Variants in FAM193A observed in about 807,000 individuals in gnomAD.
The protein encoded by FAM193A is protein FAM193A.
A neutral mutation model predicts 126.5 loss-of-function variants in FAM193A; 22 were observed. That is an observed-to-expected ratio of 0.17 (90% confidence interval 0.12 to 0.25). The LOEUF is 0.25. FAM193A is among the 10% of genes least tolerant of loss of function. The pLI is 1.00. For missense variants in FAM193A, 1,675 were observed against 1,672.8 expected (o/e 1.00, Z -0.02); for synonymous variants, 761 against 646.8 (o/e 1.18, Z -2.68).
At chr4:2,561,371 CAG>C (rs1578598966) in intron 1 of FAM193A, among the ~76,000 whole-genome samples, 1 of 151,822 alleles carries the variant, frequency 6.6e-6, no homozygotes, top group South Asian at 2.1e-4. Context: ...TTGGTAGAGA[CAG>C]AGTTTCACCA....
intron 19 of FAM193A, among the ~76,000 whole-genome samples, chr4:2,704,859 A>C (rs1000966923): frequency 6.6e-6 from 1 of 152,104 alleles, no homozygotes. Context: ...TTCTATTCAT[A>C]CCTATTTCTC....
chr4:2,693,080 G>C lies in FAM193A; in HGVS notation c.2804-506G>C, dbSNP rs572030339. ...TTTTTTTTCTTTGAGACGGAGTCTT[G>C]CTCCGTCACCCAGGCTGCTGGAGTG... On this transcript the variant is annotated intron_variant, in intron 15 of 20. Coordinates refer to ENST00000637812, the MANE Select transcript of FAM193A (RefSeq NM_001366318.2). Among the ~76,000 whole-genome samples the C allele has an allele frequency of 2.0e-5, 3 of 151,722 alleles. No individual in the cohort carries two copies. The South Asian group carries it at 6.2e-4, about 32-fold the overall frequency.
intron 19 of FAM193A, among the ~76,000 whole-genome samples, chr4:2,711,671 G>A (rs1404156119): frequency 6.6e-6 from 1 of 151,598 alleles, no homozygotes; most frequent in Non-Finnish European, 1.5e-5. Flanking sequence ...ATTCTGGGCT[G>A]GGCGCTATGG....
intron 19 of FAM193A, among the ~76,000 whole-genome samples, chr4:2,704,466 G>A (rs949102463): frequency 2.6e-5 from 4 of 152,090 alleles, no homozygotes; most frequent in South Asian, 2.1e-4. Context: ...TGGAGACACC[G>A]ATGCAGGAGG....
chr4:2,566,337 G>A (rs1030386949), intron 1 of FAM193A, among the ~76,000 whole-genome samples: 5 of 151,854 alleles, frequency 3.3e-5, no homozygotes, highest in Non-Finnish European at 7.4e-5. Flanking sequence ...GTGAGCCACC[G>A]CGCCTGGCCA....
chr4:2,640,832 G>T (rs538688125), intron 6 of FAM193A, among the ~76,000 whole-genome samples: 2 of 151,978 alleles, frequency 1.3e-5, no homozygotes, highest in African/African-American at 4.8e-5. Context: ...GGGCTTGGTG[G>T]CACATACCTG....
intron 5 of FAM193A, among the ~76,000 whole-genome samples, chr4:2,636,572 T>A (rs1744114058): frequency 6.6e-6 from 1 of 152,210 alleles, no homozygotes; most frequent in Non-Finnish European, 1.5e-5. Context: ...GTGTCATTCA[T>A]AGGTCATTTT....
At chr4:2,725,876 T>G (rs1720689339) in intron 20 of FAM193A, among the ~76,000 whole-genome samples, 1 of 151,240 alleles carries the variant, frequency 6.6e-6, no homozygotes, top group South Asian at 2.1e-4. Flanking sequence ...CAATCTCAGC[T>G]AATTTTTATT....
chr4:2,546,841 A>C (rs1292290141), intron 1 of FAM193A, among the ~76,000 whole-genome samples: 2 of 152,222 alleles, frequency 1.3e-5, no homozygotes, highest in African/African-American at 2.4e-5. Context: ...ACTGTTATCC[A>C]GAGTGGATAA....
At chr4:2,545,866 A>T (rs1191182150) in intron 1 of FAM193A, among the ~76,000 whole-genome samples, 3 of 152,028 alleles carry the variant, frequency 2.0e-5, no homozygotes, top group Non-Finnish European at 4.4e-5. Flanking sequence ...ACAAAAATTT[A>T]AGGCCAGGTG....
chr4:2,602,132 C>A (rs1047176966), intron 2 of FAM193A, among the ~76,000 whole-genome samples: 1 of 152,010 alleles, frequency 6.6e-6, no homozygotes, highest in African/African-American at 2.4e-5. Context: ...AGCCACTGCA[C>A]CCAGGCAATT....
intron 1 of FAM193A, among the ~76,000 whole-genome samples, chr4:2,580,352 A>T (rs1739849897): frequency 6.6e-6 from 1 of 152,158 alleles, no homozygotes; most frequent in Non-Finnish European, 1.5e-5. Context: ...GAGGAGGGAG[A>T]GGATCAGGAA....
chr4:2,659,551 C>G lies in FAM193A; in HGVS notation c.1390-7C>G. On this transcript the variant is annotated splice_region_variant and splice_polypyrimidine_tract_variant and intron_variant, in intron 8 of 20. Coordinates refer to ENST00000637812, the MANE Select transcript of FAM193A (RefSeq NM_001366318.2). ...GCAAGATTAAAGCATTTTAAAATTT[C>G]CTCTAGTTAACCAATAAGAAAGCAG... 2 of 1,597,750 alleles carry G rather than the reference C, an allele frequency of 1.3e-6. No individual in the cohort carries two copies. Among genetic ancestry groups the G allele is most frequent in the Non-Finnish European group, 1.7e-6 (2 of 1,165,216 alleles).
chr4:2,727,230 G>A (rs998443538), intron 20 of FAM193A, among the ~76,000 whole-genome samples: 2 of 151,952 alleles, frequency 1.3e-5, no homozygotes, highest in Non-Finnish European at 2.9e-5. Flanking sequence ...CTGCACTCCA[G>A]CCTGGCAACA....
chr4:2,647,354 C>T (rs185840725), intron 7 of FAM193A, among the ~76,000 whole-genome samples: 1 of 152,224 alleles, frequency 6.6e-6, no homozygotes, highest in Admixed American at 6.5e-5. Context: ...CCATGTTGGT[C>T]AGGCTGGTCT....
rs1221788952 is a variant in FAM193A, at chr4:2,732,372, T to C, written c.*504T>C. 4.7e-5 allele frequency: 8 copies of C among 170,682 alleles called. No individual in the cohort carries two copies. Among genetic ancestry groups the C allele is most frequent in the Admixed American group, 4.6e-4 (8 of 17,218 alleles). 10.6% of individuals were successfully genotyped at this position (170,682 alleles called of 1,614,324 possible). A position where few individuals can be genotyped will look rare whatever the true frequency, so the allele number is the denominator to read the frequency against. The stretch of plus-strand genomic sequence containing the variant: ...GCTGTTTGTGTTTGATCCCCCTGAC[T>C]TGTAGCCAGCTTGTGTAAGATCCCT... On this transcript the variant is annotated 3_prime_UTR_variant, in exon 21 of 21. Coordinates refer to ENST00000637812, the MANE Select transcript of FAM193A (RefSeq NM_001366318.2).
chr4:2,631,047 G>A lies in FAM193A; in HGVS notation c.916G>A (p.Val306Met). Residue 306 changes from valine to methionine, a missense_variant, in exon 5 of 21, where the codon GTG (valine) becomes ATG (methionine). Coordinates refer to ENST00000637812, the MANE Select transcript of FAM193A (RefSeq NM_001366318.2). ...LLRQLSAAAK[V>M]KAPSGLQGPP... ...CCGGCAGCTGTCGGCTGCGGCCAAG[G>A]TGAAGGCACCATCTGGCCTGCAGGG... 1 of 1,613,562 alleles carries A rather than the reference G, an allele frequency of 6.2e-7. No homozygotes were observed. The highest frequency in any genetic ancestry group is 2.2e-5 in the East Asian group (1 of 44,878).
intron 5 of FAM193A, 102 bp downstream of exon 5, chr4:2,631,271 C>G (rs1743553887): frequency 9.9e-7 from 1 of 1,011,032 alleles, no homozygotes; most frequent in Admixed American, 2.4e-5. Flanking sequence ...CGCTGTCACA[C>G]CCCCACACAC....
chr4:2,661,643 T>C (rs1205475732), intron 10 of FAM193A, among the ~76,000 whole-genome samples: 1 of 152,120 alleles, frequency 6.6e-6, no homozygotes, highest in Non-Finnish European at 1.5e-5. Flanking sequence ...TGTAATGTGT[T>C]GAAAAGACAC....
Sources: allele counts gnomAD v4.1 joint callset (sites outside exome capture counted in the v4.1 genomes callset), GRCh38; gene constraint gnomAD v4.1.1; transcripts MANE v1.5; gene names NCBI Gene and HGNC (gene_info 2026-07-23, HGNC 2026-07-21).